KCNMA1: variants seen among roughly 807,000 people sequenced by gnomAD.
KCNMA1 encodes Calcium-activated potassium channel subunit alpha-1.
Under a neutral mutation model 140.0 loss-of-function variants are expected in KCNMA1, and 29 were observed. The observed-to-expected ratio is 0.21, with a 90% CI of 0.15 to 0.28. The LOEUF is 0.28. Ranked by LOEUF, KCNMA1 falls within the 10% of genes least tolerant of loss-of-function variation. KCNMA1 has a pLI of 1.00. For synonymous variants in KCNMA1, 612 were observed against 611.9 expected, an observed-to-expected ratio of 1.00 and a Z score of 0.00; for missense variants, 880 against 1,602.2, an observed-to-expected ratio of 0.55 and a Z score of 7.70.
At chr10:77,302,009 C>A (rs898358342) in intron 2 of KCNMA1, among the ~76,000 whole-genome samples, 22 of 151,850 alleles carry the variant, frequency 1.4e-4, no homozygotes, top group Non-Finnish European at 2.2e-4. Context: ...AGACAAGCTG[C>A]CAAATATTAG....
intron 1 of KCNMA1, among the ~76,000 whole-genome samples, chr10:77,468,626 C>T (rs1316388312): frequency 6.6e-6 from 1 of 152,136 alleles, no homozygotes; most frequent in Non-Finnish European, 1.5e-5. Context: ...TCCTTCACAA[C>T]CCAGAGAAGG....
At chr10:77,064,213 T>A in intron 14 of KCNMA1, 1 of 580,784 alleles carries the variant, frequency 1.7e-6, no homozygotes, top group Non-Finnish European at 2.2e-6. Flanking sequence ...GCTTTACCTT[T>A]AATGCTAGGC....
At chr10:77,546,753 C>T (rs1460610850) in intron 1 of KCNMA1, among the ~76,000 whole-genome samples, 2 of 152,212 alleles carry the variant, frequency 1.3e-5, no homozygotes, top group Admixed American at 1.3e-4. Context: ...TCCTGGGTGG[C>T]TCCCTGTCAG....
intron 3 of KCNMA1, among the ~76,000 whole-genome samples, chr10:77,226,125 AAAT>A (rs1193291976): frequency 6.6e-6 from 1 of 152,186 alleles, no homozygotes; most frequent in Non-Finnish European, 1.5e-5. Context: ...TTGAAATGCC[AAAT>A]AATATTAAAA....
intron 1 of KCNMA1, among the ~76,000 whole-genome samples, chr10:77,582,110 C>T (rs2076052733): frequency 6.6e-6 from 1 of 152,222 alleles, no homozygotes; most frequent in African/African-American, 2.4e-5. Flanking sequence ...AAATGCAATG[C>T]ATCTCAACCC....
At chr10:77,186,889 C>T (rs185628925) in intron 3 of KCNMA1, among the ~76,000 whole-genome samples, 175 of 151,694 alleles carry the variant, frequency 1.2e-3, no homozygotes, top group African/African-American at 4.0e-3. Context: ...CTTGTGCCAG[C>T]GGGGACTCAC....
At chr10:77,554,379 T>C (rs1005560959) in intron 1 of KCNMA1, among the ~76,000 whole-genome samples, 2 of 152,028 alleles carry the variant, frequency 1.3e-5, no homozygotes, top group Non-Finnish European at 2.9e-5. Flanking sequence ...GGCAGCTCAC[T>C]TGAGGTCAGG....
Position 76,891,415 on chromosome 10 carries a change from TAGGA to T in KCNMA1, c.3342+106_3342+109del, listed in dbSNP as rs1564736153. ...TATCACCTCTTACAGTTATCTACAA[TAGGA>T]AGGAGAAAAGCCAGATGCCTAGCTT... On this transcript the variant is annotated intron_variant, in intron 26 of 27. Transcript: ENST00000286628. 3 of 795,782 alleles carry T rather than the reference TAGGA, an allele frequency of 3.8e-6. No homozygotes were observed. The African/African-American group carries it at 5.1e-5, about 13-fold the overall frequency. 49.3% of individuals were successfully genotyped at this position (795,782 alleles called of 1,614,324 possible).
rs140958303 is a variant in KCNMA1 at position 77,544,207 on chromosome 10, G to A, written c.378+93058C>T. On this transcript the variant is annotated intron_variant, in intron 1 of 27. Transcript: ENST00000286628. Reference sequence around the variant, plus strand: ...GTGTGTGTGATGATAGAGAGATTACGTGAGTTTTCTTAATGTTCATGATGG... The same window carrying A: ...GTGTGTGTGATGATAGAGAGATTACATGAGTTTTCTTAATGTTCATGATGG... Among the ~76,000 whole-genome samples the A allele has an allele frequency of 4.7e-3, 710 of 150,810 alleles. 6 individuals are homozygous for A. The highest frequency in any genetic ancestry group is 0.026 in the South Asian group (125 of 4,758).
intron 23 of KCNMA1, among the ~76,000 whole-genome samples, chr10:76,943,911 C>T (rs1175176073): frequency 6.6e-6 from 1 of 152,140 alleles, no homozygotes; most frequent in African/African-American, 2.4e-5. Context: ...CTCTCATGGG[C>T]TGTGCTCCTA....
intron 1 of KCNMA1, among the ~76,000 whole-genome samples, chr10:77,514,893 GTTTTGTTTTT>G (rs987047950): frequency 2.0e-5 from 3 of 151,874 alleles, no homozygotes; most frequent in East Asian, 1.9e-4. Context: ...GCTACTGCCT[GTTTTGTTTTT>G]TTTTGTTTTT....
chr10:77,500,104 A>G (rs2043317496), intron 1 of KCNMA1, among the ~76,000 whole-genome samples: 1 of 151,706 alleles, frequency 6.6e-6, no homozygotes, highest in Non-Finnish European at 1.5e-5. Flanking sequence ...TTAATAAAGA[A>G]AAGTATAAAA....
intron 1 of KCNMA1, among the ~76,000 whole-genome samples, chr10:77,582,861 G>A (rs973649110): frequency 6.6e-6 from 1 of 152,200 alleles, no homozygotes; most frequent in African/African-American, 2.4e-5. Context: ...GCTTAGCTAT[G>A]CCCCAAGGCA....
chr10:76,944,496 C>T (rs1220683031), intron 23 of KCNMA1, among the ~76,000 whole-genome samples: 1 of 152,174 alleles, frequency 6.6e-6, no homozygotes, highest in East Asian at 1.9e-4. Flanking sequence ...GTCATGAAGC[C>T]ACTCCTTGGG....
At chr10:77,090,847 C>G in intron 9 of KCNMA1, 1 of 369,422 alleles carries the variant, frequency 2.7e-6, no homozygotes, top group Non-Finnish European at 5.1e-6. Context: ...AAGTCCCTTG[C>G]AGATTCATAT....
chr10:77,048,844 TC>T (rs772577550), intron 14 of KCNMA1, among the ~76,000 whole-genome samples: 70 of 152,144 alleles, frequency 4.6e-4, no homozygotes, highest in Admixed American at 2.7e-3. Flanking sequence ...CACTGCAAGC[TC>T]CCCCTCGCGG....
chr10:77,498,279 G>A (rs1409082505), intron 1 of KCNMA1, among the ~76,000 whole-genome samples: 1 of 152,138 alleles, frequency 6.6e-6, no homozygotes, highest in African/African-American at 2.4e-5. Flanking sequence ...GGGACTCCCT[G>A]GTCACTATGG....
chr10:77,560,204 C>G (rs1438989416), intron 1 of KCNMA1, among the ~76,000 whole-genome samples: 1 of 152,010 alleles, frequency 6.6e-6, no homozygotes, highest in Non-Finnish European at 1.5e-5. Context: ...CAAAATAAAA[C>G]AAAAACCCTG....
chr10:77,193,649 C>T (rs1171437619), intron 3 of KCNMA1, among the ~76,000 whole-genome samples: 1 of 152,176 alleles, frequency 6.6e-6, no homozygotes, highest in Non-Finnish European at 1.5e-5. Flanking sequence ...TGTGGGTGGG[C>T]ACCCACACAA....
Sources: allele counts gnomAD v4.1 joint callset (sites outside exome capture counted in the v4.1 genomes callset), GRCh38; gene constraint gnomAD v4.1.1; transcripts MANE v1.5; gene names NCBI Gene and HGNC (gene_info 2026-07-23, HGNC 2026-07-21).